The following KPTN variants were observed in gnomAD, a reference collection of about 807,000 sequenced individuals.
KPTN encodes the protein kaptin, actin binding protein, also known as KICSTOR complex protein kaptin.
A neutral mutation model predicts 52.6 loss-of-function variants in KPTN; 36 were observed. That is an observed-to-expected ratio of 0.68 (90% CI 0.52 to 0.90). KPTN has a LOEUF of 0.90. KPTN is among the 40% of genes least tolerant of loss of function. The pLI is 0.00. For synonymous variants in KPTN, 271 were observed against 248.4 expected (o/e 1.09, Z -0.85); for missense variants, 529 against 576.2 (o/e 0.92, Z 0.84).
rs998330356 is a variant in KPTN, at chr19:47,484,194, G to C, written c.-34C>G. 6.4e-7 allele frequency: 1 copy of C among 1,569,096 alleles called. No homozygotes were observed. Among genetic ancestry groups the C allele is most frequent in the African/African-American group, 1.4e-5 (1 of 74,052 alleles). ...GTTAAGCACCCTCTCCGCAGCCCCC[G>C]CCCCAACCCGCACTACCCAACCTAC... is the stretch of plus-strand genomic sequence containing the variant. On this transcript the variant is annotated 5_prime_UTR_variant, in exon 1 of 12. Coordinates refer to ENST00000338134, the MANE Select transcript of KPTN (RefSeq NM_007059.4).
chr19:47,484,285 TGC>T, upstream of KPTN: 2 of 1,241,754 alleles, frequency 1.6e-6, no homozygotes, highest in Non-Finnish European at 2.2e-6. Context: ...GTACGGAAGC[TGC>T]CGGCGTTGCC....
intron 5 of KPTN, 44 bp downstream of exon 5, chr19:47,480,914 A>T (rs780764769): frequency 1.5e-5 from 24 of 1,610,324 alleles, no homozygotes; most frequent in Non-Finnish European, 2.0e-5. Flanking sequence ...GCCAGCCCAC[A>T]GTGAATCCCA....
In KPTN at chr19:47,483,532, C is replaced by A; in HGVS notation, c.279G>T (p.Arg93=). The A allele has an allele frequency of 6.3e-7, 1 of 1,582,784 alleles. No individual in the cohort carries two copies. The highest frequency in any genetic ancestry group is 8.6e-7 in the Non-Finnish European group (1 of 1,163,908). ...TGAACGTGATCCCCACAACCAGACCCCGCTTGGGGGGTGACTTGTTGAAAG... is the reference window on the plus strand; with the variant it reads ...TGAACGTGATCCCCACAACCAGACCACGCTTGGGGGGTGACTTGTTGAAAG... ...IDTFNKSPPK[R]GLVVGITFIK... Residue 93 remains arginine, a synonymous_variant, in exon 2 of 12, where the codon CGG becomes CGT. Coordinates refer to ENST00000338134, the MANE Select transcript of KPTN (RefSeq NM_007059.4).
At chr19:47,484,841 T>G (rs1475168802), upstream of KPTN, among the ~76,000 whole-genome samples, 1 of 151,708 alleles carries the variant, frequency 6.6e-6, no homozygotes, top group Admixed American at 6.6e-5. Flanking sequence ...GCAGCTGGGA[T>G]TACAGGCGCC....
rs1482674371 is a variant in KPTN, at chr19:47,484,169, G to A, written c.-9C>T. ...GCCGCCTCCCCCATCATGCCCCTCAGTTAAGCACCCTCTCCGCAGCCCCCG... is the reference window on the plus strand; with the variant it reads ...GCCGCCTCCCCCATCATGCCCCTCAATTAAGCACCCTCTCCGCAGCCCCCG... On this transcript the variant is annotated 5_prime_UTR_variant, in exon 1 of 12. Transcript: ENST00000338134. 1 of 1,589,816 alleles carries A rather than the reference G, an allele frequency of 6.3e-7. No homozygotes were observed.
upstream of KPTN, chr19:47,484,380 C>A: frequency 1.7e-6 from 1 of 593,716 alleles, no homozygotes; most frequent in East Asian, 2.9e-5. Flanking sequence ...CTTCTCCTTT[C>A]CATTTCTGGA....
upstream of KPTN, chr19:47,484,442 C>T (rs898280929): frequency 9.9e-5 from 52 of 525,640 alleles, no homozygotes; most frequent in African/African-American, 2.3e-4. Context: ...GTGGTGGCCA[C>T]GGCCTCTCGC....
At chr19:47,481,592 G>C (rs1484785420) in intron 4 of KPTN, 1 of 153,062 alleles carries the variant, frequency 6.5e-6, no homozygotes, top group Non-Finnish European at 1.5e-5. Flanking sequence ...TTAGACCAGA[G>C]GTTGGCCAAG....
chr19:47,481,093 ACTCTC>A, intron 4 of KPTN, 60 bp from the exon 5 acceptor site: 1 of 1,380,348 alleles, frequency 7.2e-7, no homozygotes, highest in Non-Finnish European at 1.0e-6. Flanking sequence ...GAGAACCAGA[ACTCTC>A]CTCTTGCAAA....
chr19:47,476,685 T>C lies in KPTN; in HGVS notation c.1029A>G (p.Pro343=), dbSNP rs1967679495. 1 of 1,612,566 alleles carries C rather than the reference T, an allele frequency of 6.2e-7. No homozygotes were observed. The highest frequency in any genetic ancestry group is 8.5e-7 in the Non-Finnish European group (1 of 1,179,498). ...QELLCYKYRG[P]ESGLPEAQHG... is the part of the protein sequence containing the mutation. ...GCTGGGCCTCAGGAAGCCCCGACTC[T>C]GGGCCCCGGTACTTATAACACAGCA... The change falls in exon 11 of 12, where the codon CCA becomes CCG. Residue 343 remains proline, a synonymous_variant. Transcript: ENST00000338134.
At chr19:47,477,382 G>A (rs28613015) in intron 9 of KPTN, among the ~76,000 whole-genome samples, 6,041 of 152,216 alleles carry the variant, frequency 0.04, 399 homozygotes, top group African/African-American at 0.14. Context: ...ACCATGGTGG[G>A]AGTATTTACA....
At position 47,484,215 on chromosome 19, in the gene KPTN, C is replaced by A; in HGVS notation, c.-55G>T. 6.5e-7 allele frequency: 1 copy of A among 1,539,656 alleles called. No individual in the cohort carries two copies. The highest frequency in any genetic ancestry group is 8.7e-7 in the Non-Finnish European group (1 of 1,146,794). On this transcript the variant is annotated 5_prime_UTR_variant, in exon 1 of 12. Transcript: ENST00000338134. ...CCCCGCCCCAACCCGCACTACCCAA[C>A]CTACGACTCTCTAAGCGACCTGAAC...
At chr19:47,484,980 G>A (rs1343962153), upstream of KPTN, among the ~76,000 whole-genome samples, 1 of 152,140 alleles carries the variant, frequency 6.6e-6, no homozygotes, top group African/African-American at 2.4e-5. Context: ...GATTATAGGC[G>A]TGAGCCCCCT....
At position 47,484,188 on chromosome 19, in the gene KPTN, G is replaced by A. The variant is rs769743101; in HGVS notation, c.-28C>T. 1.1e-4 allele frequency: 172 copies of A among 1,577,278 alleles called. No homozygotes were observed. Among genetic ancestry groups the A allele is most frequent in the Non-Finnish European group, 1.4e-4 (161 of 1,167,014 alleles). ...CCCTCAGTTAAGCACCCTCTCCGCA[G>A]CCCCCGCCCCAACCCGCACTACCCA... On this transcript the variant is annotated 5_prime_UTR_variant, in exon 1 of 12. Coordinates refer to ENST00000338134, the MANE Select transcript of KPTN (RefSeq NM_007059.4).
At position 47,480,320 on chromosome 19, in the gene KPTN, G is replaced by A. The variant is rs911674472; in HGVS notation, c.687C>T (p.Ala229=). 1 of 1,548,922 alleles carries A rather than the reference G, an allele frequency of 6.5e-7. No homozygotes were observed. The highest frequency in any genetic ancestry group is 1.4e-5 in the African/African-American group (1 of 72,210). Reference sequence around the variant, plus strand: ...CACCTCGACTCCGCTGGTCCACGTGGGCGACACGGACATAACCACTCTGAC... The same window carrying A: ...CACCTCGACTCCGCTGGTCCACGTGAGCGACACGGACATAACCACTCTGAC... ...LGCQSGYVRV[A]HVDQRSREVL... The change falls in exon 7 of 12, where the codon GCC becomes GCT. Residue 229 remains alanine, a synonymous_variant. Coordinates refer to ENST00000338134, the MANE Select transcript of KPTN (RefSeq NM_007059.4).
In KPTN at chr19:47,476,817, C is replaced by G. The variant is rs756951661; in HGVS notation, c.985G>C (p.Ala329Pro). ...TCAGGTCCCACCTGTCCATAGGTGG[C>G]CACCAGGACTTCTGGCCGCCCATCC... ...DLDGRPEVLV[A>P]TYGQELLCYK... Residue 329 changes from alanine to proline, a missense_variant, in exon 10 of 12, where the codon GCC (alanine) becomes CCC (proline). Transcript: ENST00000338134. The G allele has an allele frequency of 4.7e-5, 74 of 1,587,246 alleles. No individual in the cohort carries two copies. The highest frequency in any genetic ancestry group is 1.7e-4 in the Middle Eastern group (1 of 6,046).
At chr19:47,480,491 T>G in intron 6 of KPTN, 84 bp from the exon 7 acceptor site, 2 of 1,007,588 alleles carry the variant, frequency 2.0e-6, no homozygotes, top group Non-Finnish European at 2.9e-6. Flanking sequence ...CAGCCGCCCC[T>G]CCCTGTAGCC....
chr19:47,480,974 A>G lies in KPTN; in HGVS notation c.509T>C (p.Ile170Thr). Residue 170 changes from isoleucine to threonine, a missense_variant, in exon 5 of 12, where the codon ATT (isoleucine) becomes ACT (threonine). Transcript: ENST00000338134. ...VFLLSGNDPA[I>T]HLYKENEGLH... ...CCACCTCACCTCCTTGTAGAGATGA[A>G]TGGCCGGGTCGTTCCCACTCAAGAG... 1 of 1,605,842 alleles carries G rather than the reference A, an allele frequency of 6.2e-7. No individual in the cohort carries two copies. The highest frequency in any genetic ancestry group is 8.5e-7 in the Non-Finnish European group (1 of 1,175,758).
At chr19:47,483,868 G>A in intron 1 of KPTN, 67 bp downstream of exon 1, 1 of 1,593,634 alleles carries the variant, frequency 6.3e-7, no homozygotes, top group Non-Finnish European at 8.6e-7. Context: ...GGCTCAGACA[G>A]AGCCTCAGAA....
Sources: gnomAD v4.1 joint callset for allele counts (sites outside exome capture counted in the v4.1 genomes callset) on GRCh38, gnomAD v4.1.1 for gene constraint, MANE v1.5 for transcripts, NCBI Gene and HGNC (gene_info 2026-07-23, HGNC 2026-07-21) for gene names.